Variants in GDF5 observed in about 807,000 individuals in gnomAD.
GDF5 encodes the protein growth/differentiation factor 5.
Under a neutral mutation model 34.6 loss-of-function variants are expected in GDF5, and 17 were observed. That is an observed-to-expected ratio of 0.49 (90% confidence interval 0.34 to 0.74). The LOEUF is 0.74. Ranked by LOEUF, GDF5 falls within the 30% of genes least tolerant of loss-of-function variation. GDF5 has a pLI of 0.01. For synonymous variants in GDF5, 332 were observed against 290.7 expected (o/e 1.14, Z -1.44); for missense variants, 616 against 661.2 (o/e 0.93, Z 0.75).
At chr20:35,453,231 C>A (rs542645369) in intron 1 of GDF5, among the ~76,000 whole-genome samples, 1 of 152,216 alleles carries the variant, frequency 6.6e-6, no homozygotes, top group East Asian at 1.9e-4. Flanking sequence ...GCCTGGGCGA[C>A]AAAGCAAGAC....
At chr20:35,436,378 C>T (rs1465271139) in intron 1 of GDF5, among the ~76,000 whole-genome samples, 1 of 151,382 alleles carries the variant, frequency 6.6e-6, no homozygotes, top group African/African-American at 2.4e-5. Context: ...GCCTCTCCCA[C>T]CCTCTGACCC....
In GDF5 at chr20:35,437,607, G is replaced by C; in HGVS notation, c.322C>G (p.Pro108Ala). The change falls in exon 1 of 2, where the codon CCA becomes GCA. Residue 108 changes from proline to alanine, a missense_variant. By Grantham distance (27) the Pro-to-Ala change is conservative (BLOSUM62 -1). Coordinates refer to ENST00000374369, the MANE Select transcript of GDF5 (RefSeq NM_000557.5). ...PPRPGGPEPKPGHPPQTRQAT... is the reference protein window; with the variant it reads ...PPRPGGPEPKAGHPPQTRQAT... ...TGCCTTGTTTGGGGAGGGTGTCCTG[G>C]CTTGGGTTCAGGGCCGCCCGGTCTG... 2 of 1,614,104 alleles carry C rather than the reference G, an allele frequency of 1.2e-6. No individual in the cohort carries two copies. The highest frequency in any genetic ancestry group is 1.7e-6 in the Non-Finnish European group (2 of 1,180,008).
At position 35,437,384 on chromosome 20, in the gene GDF5, T is replaced by A. The variant is rs982063586; in HGVS notation, c.545A>T (p.Asp182Val). ...GCTGTTGCCTCCCTTTCTGTCAGCA[T>A]CGGACAGCGTCCTGTACAGCGAGAG... ...YMLSLYRTLS[D>V]ADRKGGNSSV... The change falls in exon 1 of 2, where the codon GAT (aspartate) becomes GTT (valine). Residue 182 changes from aspartate (D) to valine (V), a missense_variant. By Grantham distance (152) the Asp-to-Val change is radical (BLOSUM62 -3). Coordinates refer to ENST00000374369, the MANE Select transcript of GDF5 (RefSeq NM_000557.5). 3.7e-6 allele frequency: 6 copies of A among 1,612,766 alleles called. No individual in the cohort carries two copies. The South Asian group carries it at 4.4e-5, about 12-fold the overall frequency.
upstream of GDF5, chr20:35,441,316 G>A (rs2062497023): frequency 6.6e-6 from 1 of 152,142 alleles, no homozygotes; most frequent in Admixed American, 6.5e-5. Flanking sequence ...CACTTTGGGA[G>A]GCCGAGGCAG....
chr20:35,437,345 T>A lies in GDF5; in HGVS notation c.584A>T (p.Glu195Val). Reference sequence around the variant, plus strand: ...GGTGATGGTGTTGGCCAGGCCAGCCTCCAACTTCACGCTGCTGTTGCCTCC... The same window carrying A: ...GGTGATGGTGTTGGCCAGGCCAGCCACCAACTTCACGCTGCTGTTGCCTCC... ...RKGGNSSVKL[E>V]AGLANTITSF... The change falls in exon 1 of 2, where the codon GAG (glutamate) becomes GTG (valine). Residue 195 changes from glutamate to valine, a missense_variant. By Grantham distance (121) the Glu-to-Val change is moderately radical. Coordinates refer to ENST00000374369, the MANE Select transcript of GDF5 (RefSeq NM_000557.5). The A allele has an allele frequency of 6.2e-7, 1 of 1,613,394 alleles. No homozygotes were observed.
Position 35,433,617 on chromosome 20 carries a change from G to A in GDF5, c.*292C>T, listed in dbSNP as rs930022990. Reference sequence around the variant, plus strand: ...GAGAAATGGTGGGCTGAGTCTCATCGGAAAGCACTGTTTCCTGGGACTCAG... The same window carrying A: ...GAGAAATGGTGGGCTGAGTCTCATCAGAAAGCACTGTTTCCTGGGACTCAG... On this transcript the variant is annotated 3_prime_UTR_variant, in exon 2 of 2. Coordinates refer to ENST00000374369, the MANE Select transcript of GDF5 (RefSeq NM_000557.5). 10 of 461,016 alleles carry A rather than the reference G, an allele frequency of 2.2e-5. No homozygotes were observed. Among genetic ancestry groups the A allele is most frequent in the Admixed American group, 3.4e-5 (1 of 29,808 alleles). The allele number at this position is 461,016 out of a possible 1,614,324, so 28.6% of individuals were successfully genotyped here.
At chr20:35,449,516 A>G (rs1293655108) in intron 1 of GDF5, among the ~76,000 whole-genome samples, 1 of 152,178 alleles carries the variant, frequency 6.6e-6, no homozygotes, top group Non-Finnish European at 1.5e-5. Flanking sequence ...CCCTCTTTAT[A>G]GAATTTACTA....
chr20:35,448,413 AAT>A (rs1213425473), intron 1 of GDF5, among the ~76,000 whole-genome samples: 72 of 96,498 alleles, frequency 7.5e-4, no homozygotes, highest in South Asian at 1.8e-3. Context: ...AAAAAAAAAA[AAT>A]ATATATATAT....
chr20:35,441,957 C>A (rs546790455), upstream of GDF5, among the ~76,000 whole-genome samples: 1 of 152,194 alleles, frequency 6.6e-6, no homozygotes, highest in Admixed American at 6.5e-5. Flanking sequence ...CCTCCCACCT[C>A]AGCCTCCCAA....
At chr20:35,436,941 G>A (rs567295433) in intron 1 of GDF5, among the ~76,000 whole-genome samples, 4 of 152,340 alleles carry the variant, frequency 2.6e-5, no homozygotes, top group South Asian at 2.1e-4. Flanking sequence ...AACCTGTGAA[G>A]CTTGGAAAGT....
rs748012215 is a variant in GDF5, at chr20:35,437,674, G to T, written c.255C>A (p.Gly85=). The change falls in exon 1 of 2, where the codon GGC becomes GGA. Residue 85 remains glycine, a synonymous_variant. Coordinates refer to ENST00000374369, the MANE Select transcript of GDF5 (RefSeq NM_000557.5). The part of the protein sequence containing the change: ...RAKGGTGQTG[G]LTQPKKDEPK... ...GTTCATCCTTCTTGGGCTGTGTCAG[G>T]CCTCCTGTCTGCCCGGTGCCTCCCT... is the stretch of plus-strand genomic sequence containing the variant. 60 of 1,614,066 alleles carry T rather than the reference G, an allele frequency of 3.7e-5. No individual in the cohort carries two copies. Among genetic ancestry groups the T allele is most frequent in the Non-Finnish European group, 4.9e-5 (58 of 1,179,988 alleles).
At chr20:35,442,752 G>T (rs533667349), upstream of GDF5, among the ~76,000 whole-genome samples, 180 of 151,580 alleles carry the variant, frequency 1.2e-3, 1 homozygote, top group African/African-American at 4.2e-3. Flanking sequence ...CACCATGTTG[G>T]CCAGGCTGGT....
rs199666386 is a variant in GDF5 at position 35,437,761 on chromosome 20, G to T, written c.168C>A (p.Asn56Lys). ...AGCTGTGACCCCCTGGCCTGAAGAC[G>T]TTCCGGGCCAGGGGGGGCCTCTCCT... ...EAKERPPLAR[N>K]VFRPGGHSYG... Residue 56 changes from asparagine to lysine, a missense_variant, in exon 1 of 2, where the codon AAC becomes AAA. Transcript: ENST00000374369. The T allele has an allele frequency of 1.7e-5, 28 of 1,612,352 alleles. No homozygotes were observed. In the Admixed American group the frequency reaches 2.8e-4, roughly 16 times the overall value.
At chr20:35,440,763 T>C (rs1004275500), upstream of GDF5, among the ~76,000 whole-genome samples, 2 of 152,236 alleles carry the variant, frequency 1.3e-5, no homozygotes, top group East Asian at 1.9e-4. Context: ...CTTATAACTA[T>C]AATAATTTCT....
rs1399086877 is a variant in GDF5, at chr20:35,434,575, C to T, written c.840G>A (p.Val280=). The change falls in exon 2 of 2, where the codon GTG becomes GTA. Residue 280 remains valine, a synonymous_variant. Transcript: ENST00000374369. ...ATCCGTCCAGGCCTGGCACGGAGCG[C>T]ACATCCAGCAAGGCGGCCGGCTGCC... ...SGRQPAALLD[V]RSVPGLDGSG... 2 of 1,587,732 alleles carry T rather than the reference C, an allele frequency of 1.3e-6. No individual in the cohort carries two copies. Among genetic ancestry groups the T allele is most frequent in the East Asian group, 2.3e-5 (1 of 44,442 alleles).
chr20:35,437,918 G>A lies in GDF5; in HGVS notation c.11C>T (p.Pro4Leu). The change falls in exon 1 of 2, where the codon CCC becomes CTC. Residue 4 changes from proline (P) to leucine (L), a missense_variant. Physicochemically the swap from Pro to Leu is moderately conservative, Grantham distance 98. Transcript: ENST00000374369. MRL[P>L]KLLTFLLWYL... is the part of the protein sequence containing the mutation. ...CCAAAGCAAGAAAGTGAGGAGTTTG[G>A]GGAGTCTCATCCTCTGGCCAGCCGC... 11 of 1,614,002 alleles carry A rather than the reference G, an allele frequency of 6.8e-6. No homozygotes were observed. Among genetic ancestry groups the A allele is most frequent in the African/African-American group, 1.3e-5 (1 of 75,056 alleles).
At chr20:35,442,640 G>A (rs563082377), upstream of GDF5, among the ~76,000 whole-genome samples, 8 of 146,012 alleles carry the variant, frequency 5.5e-5, no homozygotes, top group Admixed American at 5.7e-4. Context: ...CTGCCTCCCA[G>A]TTTAAGTGAT....
upstream of GDF5, among the ~76,000 whole-genome samples, chr20:35,440,345 A>T (rs1462974498): frequency 6.6e-6 from 1 of 151,944 alleles, no homozygotes; most frequent in East Asian, 1.9e-4. Context: ...TTAATAAAAT[A>T]AAAAAATTAA....
rs374695108 is a variant in GDF5, at chr20:35,434,084, G to C, written c.1331C>G (p.Thr444Arg). The C allele has an allele frequency of 1.9e-6, 3 of 1,614,034 alleles. No homozygotes were observed. Among genetic ancestry groups the C allele is most frequent in the African/African-American group, 2.7e-5 (2 of 74,940 alleles). ...CAGGGTCTGGATGACTGCATGATTC[G>C]TGGGCTCCAGGTGGGAGCGCAATGG... ...EFPLRSHLEPTNHAVIQTLMN... is the reference protein window; with the variant it reads ...EFPLRSHLEPRNHAVIQTLMN... Residue 444 changes from threonine (T) to arginine (R), a missense_variant, in exon 2 of 2, where the codon ACG (threonine) becomes AGG (arginine). By Grantham distance (71) the Thr-to-Arg change is moderately conservative. Transcript: ENST00000374369.
Sources: gnomAD v4.1 joint callset for allele counts (sites outside exome capture counted in the v4.1 genomes callset) on GRCh38, gnomAD v4.1.1 for gene constraint, MANE v1.5 for transcripts, NCBI Gene and HGNC (gene_info 2026-07-23, HGNC 2026-07-21) for gene names.